Variants in PPP6C observed in about 807,000 individuals in gnomAD.
The protein encoded by PPP6C is protein phosphatase 6 catalytic subunit.
PPP6C carries 11 observed loss-of-function variants against 39.8 expected under a neutral mutation model. The observed-to-expected ratio is 0.28, with a 90% CI of 0.17 to 0.46. PPP6C has a LOEUF of 0.46. Ranked by LOEUF, PPP6C falls within the 20% of genes least tolerant of loss-of-function variation. The pLI is 1.00. For missense variants in PPP6C, 211 were observed against 373.9 expected, an observed-to-expected ratio of 0.56 and a Z score of 3.59; for synonymous variants, 129 against 130.3, an observed-to-expected ratio of 0.99 and a Z score of 0.07.
At position 125,176,822 on chromosome 9, in the gene PPP6C, G is replaced by A. The variant is rs572280883; in HGVS notation, c.76-5642C>T. On this transcript the variant is annotated intron_variant, in intron 1 of 6. Coordinates refer to ENST00000373547, the MANE Select transcript of PPP6C (RefSeq NM_002721.5). The stretch of plus-strand genomic sequence containing the variant: ...CAGGGTAGTAGAAGTAGAAAATAGG[G>A]AAAATAGATTCCAGATGTTATCTGA... 2.6e-5 allele frequency among the ~76,000 whole-genome samples: 4 copies of A among 152,214 alleles called. No homozygotes were observed. In the South Asian group the frequency reaches 6.2e-4, roughly 24 times the overall value.
intron 1 of PPP6C, among the ~76,000 whole-genome samples, chr9:125,181,340 T>A (rs1336441427): frequency 6.6e-6 from 1 of 152,146 alleles, no homozygotes; most frequent in Non-Finnish European, 1.5e-5. Flanking sequence ...TTCTATTTAT[T>A]TATTTTTTAT....
intron 2 of PPP6C, among the ~76,000 whole-genome samples, chr9:125,163,848 C>CTT (rs1412720063): frequency 0.014 from 1,926 of 135,900 alleles, 86 homozygotes; most frequent in Admixed American, 0.078. Flanking sequence ...TTGGGCAATT[C>CTT]TTTTTTTTTT....
In PPP6C at chr9:125,153,918, G is replaced by A. The variant is rs142534549; in HGVS notation, c.447C>T (p.Leu149=). 6.2e-6 allele frequency: 10 copies of A among 1,607,588 alleles called. No individual in the cohort carries two copies. In the African/African-American group the frequency reaches 1.2e-4, roughly 19 times the overall value. Reference sequence around the variant, plus strand: ...AATAGAAACTTACAGCTGCTACTGTGAGCATGTCAAAAACTTTGGTACAGT... The same window carrying A: ...AATAGAAACTTACAGCTGCTACTGTAAGCATGTCAAAAACTTTGGTACAGT... The part of the protein sequence containing the change: ...WRYCTKVFDM[L]TVAALIDEQI... The change falls in exon 5 of 7, where the codon CTC becomes CTT. Residue 149 remains leucine, a synonymous_variant. Coordinates refer to ENST00000373547, the MANE Select transcript of PPP6C (RefSeq NM_002721.5).
At position 125,149,517 on chromosome 9, in the gene PPP6C, CA is replaced by C. The variant is rs2131293217; in HGVS notation, c.*155del. 1.0e-6 allele frequency: 1 copy of C among 952,624 alleles called. No individual in the cohort carries two copies. Among genetic ancestry groups the C allele is most frequent in the East Asian group, 2.7e-5 (1 of 36,600 alleles). 59.0% of individuals were successfully genotyped at this position (952,624 alleles called of 1,614,324 possible). A position where few individuals can be genotyped will look rare whatever the true frequency, so the allele number is the denominator to read the frequency against. On this transcript the variant is annotated 3_prime_UTR_variant, in exon 7 of 7. Transcript: ENST00000373547. ...ACTTTGCTATAGACACCACAACAAA[CA>C]ATAAATTTAGATAATTTAAAATTTA...
chr9:125,184,096 A>AC (rs1554723552), intron 1 of PPP6C, among the ~76,000 whole-genome samples: 84 of 151,122 alleles, frequency 5.6e-4, no homozygotes, highest in African/African-American at 1.8e-3. Context: ...CCTTAAAAAA[A>AC]TTTTTTTTTT....
At chr9:125,170,399 G>C (rs1167376289) in intron 2 of PPP6C, among the ~76,000 whole-genome samples, 2 of 151,920 alleles carry the variant, frequency 1.3e-5, no homozygotes, top group Non-Finnish European at 2.9e-5. Flanking sequence ...ACCATGCCCA[G>C]CTAATTTTTT....
intron 4 of PPP6C, among the ~76,000 whole-genome samples, chr9:125,156,754 T>G (rs1836087156): frequency 6.8e-6 from 1 of 147,426 alleles, no homozygotes; most frequent in African/African-American, 2.5e-5. Flanking sequence ...GCTCTCTCTC[T>G]CTCTCTCTCT....
chr9:125,179,171 C>T (rs535802604), intron 1 of PPP6C, among the ~76,000 whole-genome samples: 102 of 149,054 alleles, frequency 6.8e-4, no homozygotes, highest in African/African-American at 2.5e-3. Flanking sequence ...GCTGAGATCG[C>T]GCCACTGCAC....
intron 4 of PPP6C, among the ~76,000 whole-genome samples, chr9:125,156,518 T>C (rs1341130104): frequency 6.6e-6 from 1 of 152,182 alleles, no homozygotes; most frequent in African/African-American, 2.4e-5. Context: ...GTGATCTGCC[T>C]GCCTCAGCCT....
intron 2 of PPP6C, among the ~76,000 whole-genome samples, chr9:125,165,492 G>A (rs755049687): frequency 3.9e-5 from 6 of 152,108 alleles, no homozygotes; most frequent in Non-Finnish European, 8.8e-5. Context: ...ATTGTTTAGT[G>A]AGAGGAGAAT....
intron 6 of PPP6C, among the ~76,000 whole-genome samples, chr9:125,152,001 G>C (rs1265470994): frequency 6.6e-6 from 1 of 152,038 alleles, no homozygotes; most frequent in Non-Finnish European, 1.5e-5. Context: ...TTCTCCCCAA[G>C]GTCTATGCTA....
rs537857556 is a variant in PPP6C at position 125,181,178 on chromosome 9, G to A, written c.75+8466C>T. Reference sequence around the variant, plus strand: ...TGACTCAATCAACTACACTCACAGCGGCCTCAAAGAGCCCTGCCTTGTCAT... The same window carrying A: ...TGACTCAATCAACTACACTCACAGCAGCCTCAAAGAGCCCTGCCTTGTCAT... On this transcript the variant is annotated intron_variant, in intron 1 of 6. Transcript: ENST00000373547. Among the ~76,000 whole-genome samples, 8 of 152,102 alleles carry A rather than the reference G, an allele frequency of 5.3e-5. No individual in the cohort carries two copies. In the East Asian group the frequency reaches 5.8e-4, roughly 11 times the overall value.
chr9:125,152,870 AAACTAAT>A (rs1301534589), intron 6 of PPP6C, among the ~76,000 whole-genome samples: 2 of 151,826 alleles, frequency 1.3e-5, no homozygotes, highest in Non-Finnish European at 2.9e-5. Flanking sequence ...CTTGTAGAGG[AAACTAAT>A]AAAGTGTCTG....
chr9:125,153,768 T>A (rs751773571), intron 5 of PPP6C, 26 bp from the exon 6 acceptor site: 1 of 1,602,074 alleles, frequency 6.2e-7, no homozygotes, highest in Non-Finnish European at 8.5e-7. Context: ...AACAAAGAGT[T>A]GAACATATAA....
intron 6 of PPP6C, among the ~76,000 whole-genome samples, chr9:125,152,003 T>C (rs1835959326): frequency 6.6e-6 from 1 of 152,024 alleles, no homozygotes; most frequent in Admixed American, 6.5e-5. Flanking sequence ...CTCCCCAAGG[T>C]CTATGCTAAA....
chr9:125,173,169 T>C (rs554067482), intron 1 of PPP6C, among the ~76,000 whole-genome samples: 4 of 151,718 alleles, frequency 2.6e-5, no homozygotes, highest in East Asian at 1.9e-4. Flanking sequence ...TCCCAGAACT[T>C]TGGGAGGCTG....
At chr9:125,164,624 A>G (rs1828973596) in intron 2 of PPP6C, among the ~76,000 whole-genome samples, 1 of 152,112 alleles carries the variant, frequency 6.6e-6, no homozygotes, top group Non-Finnish European at 1.5e-5. Context: ...TATTTTTGAG[A>G]TGGAGGCTCA....
chr9:125,160,030 A>T (rs570410073), intron 3 of PPP6C, among the ~76,000 whole-genome samples: 2 of 152,286 alleles, frequency 1.3e-5, no homozygotes, highest in East Asian at 3.9e-4. Context: ...AAAAAAAAAA[A>T]TAAGAAAGTG....
At chr9:125,151,707 T>A in intron 6 of PPP6C, 1 of 314,764 alleles carries the variant, frequency 3.2e-6, no homozygotes, top group Non-Finnish European at 6.5e-6. Context: ...GCTTTCTATA[T>A]CCCACATCAG....
Sources: allele counts gnomAD v4.1 joint callset (sites outside exome capture counted in the v4.1 genomes callset), GRCh38; gene constraint gnomAD v4.1.1; transcripts MANE v1.5; gene names NCBI Gene and HGNC (gene_info 2026-07-23, HGNC 2026-07-21).